The following CCDC85C variants were observed in gnomAD, a reference collection of about 807,000 sequenced individuals.
CCDC85C encodes coiled-coil domain containing 85C, also known as coiled-coil domain-containing protein 85C.
CCDC85C carries 18 observed loss-of-function variants against 38.3 expected under a neutral mutation model. The observed-to-expected ratio is 0.47, with a 90% CI of 0.33 to 0.70. CCDC85C has a LOEUF of 0.70. CCDC85C is among the 30% of genes least tolerant of loss of function. The pLI is 0.03. For missense variants in CCDC85C, 566 were observed against 621.2 expected, an observed-to-expected ratio of 0.91 and a Z score of 0.94; for synonymous variants, 264 against 293.8, an observed-to-expected ratio of 0.90 and a Z score of 1.04.
rs1190739042 is a variant in CCDC85C, at chr14:99,603,168, G to T, written c.792C>A (p.His264Gln). The change falls in exon 1 of 6, where the codon CAC (histidine) becomes CAA (glutamine). Residue 264 changes from histidine (H) to glutamine (Q), a missense_variant and splice_region_variant. Transcript: ENST00000380243. This position sits in a 1 kb window ranked among gnomAD's most constrained non-coding sequence, Gnocchi z 7.5. ...CTGCCCGGCCCGTGTAGTCCTTACCGTGCAGGCCGTTGGGGATGCTGCGGT... is the reference window on the plus strand; with the variant it reads ...CTGCCCGGCCCGTGTAGTCCTTACCTTGCAGGCCGTTGGGGATGCTGCGGT... Reference protein sequence around the residue: ...PHHRSIPNGLHDPSSTYIRQL... With the variant: ...PHHRSIPNGLQDPSSTYIRQL... 6 of 1,390,714 alleles carry T rather than the reference G, an allele frequency of 4.3e-6. No homozygotes were observed. The South Asian group carries it at 7.9e-5, about 18-fold the overall frequency. 86.1% of individuals were successfully genotyped at this position (1,390,714 alleles called of 1,614,324 possible). A position where few individuals can be genotyped will look rare whatever the true frequency, so the allele number is the denominator to read the frequency against.
chr14:99,594,206 G>C lies in CCDC85C; in HGVS notation c.793+8961C>G, dbSNP rs149875294. ...CAACAACATTCTGGACTGGGAGAGA[G>C]ACAGGACAGCAAGCAGAGGAACCTC... is the stretch of plus-strand genomic sequence containing the variant. On this transcript the variant is annotated intron_variant, in intron 1 of 5. Transcript: ENST00000380243. 4.7e-4 allele frequency among the ~76,000 whole-genome samples: 71 copies of C among 152,278 alleles called. 1 individual carries two copies. The East Asian group carries it at 0.013, about 27-fold the overall frequency.
In CCDC85C at chr14:99,572,689, C is replaced by T. The variant is rs1898378781; in HGVS notation, c.793+30478G>A. On this transcript the variant is annotated intron_variant, in intron 1 of 5. Transcript: ENST00000380243. The surrounding 1 kb of genome is among the most constrained non-coding windows in gnomAD (Gnocchi z 4.4). ...CCTCCTTAAGAGGCCTCCCCTGCCA[C>T]CATCTGTTTTCTGCTCTTCCTAGCA... The T allele has an allele frequency of 4.4e-6, 2 of 456,074 alleles. No homozygotes were observed. The highest frequency in any genetic ancestry group is 3.1e-5 in the South Asian group (2 of 64,562). 28.3% of individuals were successfully genotyped at this position (456,074 alleles called of 1,614,324 possible).
At chr14:99,581,577 G>A (rs1230561331) in intron 1 of CCDC85C, among the ~76,000 whole-genome samples, 4 of 152,188 alleles carry the variant, frequency 2.6e-5, no homozygotes, top group South Asian at 2.1e-4. Flanking sequence ...CTCGGCCACC[G>A]CACAATCGCT....
chr14:99,574,628 A>G (rs1037357539), intron 1 of CCDC85C, among the ~76,000 whole-genome samples: 3 of 152,180 alleles, frequency 2.0e-5, no homozygotes, highest in African/African-American at 7.2e-5. Context: ...CAGGGAGATA[A>G]GGGGAGAGCG....
chr14:99,523,950 A>G, intron 2 of CCDC85C, among the ~76,000 whole-genome samples: 1 of 148,834 alleles, frequency 6.7e-6, no homozygotes, highest in Non-Finnish European at 1.5e-5. Context: ...AGGTACCAAA[A>G]AGAGGAAGAG....
intron 1 of CCDC85C, among the ~76,000 whole-genome samples, chr14:99,555,159 C>T (rs976309207): frequency 6.6e-6 from 1 of 152,206 alleles, no homozygotes; most frequent in Non-Finnish European, 1.5e-5. Flanking sequence ...TAGGGAGCCT[C>T]CCTCTGTGTA....
intron 1 of CCDC85C, among the ~76,000 whole-genome samples, chr14:99,547,628 G>A (rs540416339): frequency 3.9e-5 from 6 of 152,148 alleles, no homozygotes; most frequent in African/African-American, 1.4e-4. Flanking sequence ...ACAAAAATTA[G>A]CTGGGTATGG....
At chr14:99,522,067 CA>C in intron 3 of CCDC85C, 65 bp downstream of exon 3, 1 of 1,290,974 alleles carries the variant, frequency 7.7e-7, no homozygotes, top group Non-Finnish European at 1.1e-6. Flanking sequence ...CCGGGCAGGT[CA>C]CTGGCCCGCC....
chr14:99,518,687 G>C (rs1041009394), intron 3 of CCDC85C, among the ~76,000 whole-genome samples: 5 of 152,174 alleles, frequency 3.3e-5, no homozygotes, highest in Non-Finnish European at 2.9e-5. Context: ...CCATGTGCCA[G>C]CCGGCCCCTG....
intron 2 of CCDC85C, among the ~76,000 whole-genome samples, chr14:99,534,004 T>A (rs1363182655): frequency 1.3e-5 from 2 of 152,216 alleles, no homozygotes; most frequent in African/African-American, 4.8e-5. Context: ...CCTGTCCTTA[T>A]GGAAACAGGA....
intron 1 of CCDC85C, among the ~76,000 whole-genome samples, chr14:99,539,343 A>G (rs1226132426): frequency 2.0e-5 from 3 of 151,712 alleles, no homozygotes. Flanking sequence ...GATGGCAGGC[A>G]CCTGTAATCC....
At chr14:99,527,663 T>C (rs1897412496) in intron 2 of CCDC85C, among the ~76,000 whole-genome samples, 1 of 152,124 alleles carries the variant, frequency 6.6e-6, no homozygotes, top group South Asian at 2.1e-4. Flanking sequence ...CTCAGAACTG[T>C]GCAACCCACG....
At chr14:99,586,990 G>C (rs967761527) in intron 1 of CCDC85C, among the ~76,000 whole-genome samples, 1 of 152,214 alleles carries the variant, frequency 6.6e-6, no homozygotes, top group African/African-American at 2.4e-5. Flanking sequence ...GCTCCTGGGG[G>C]TGACAGTGGG....
chr14:99,584,957 T>C (rs1487071439), intron 1 of CCDC85C, among the ~76,000 whole-genome samples: 2 of 152,132 alleles, frequency 1.3e-5, no homozygotes, highest in Non-Finnish European at 2.9e-5. Flanking sequence ...TGGCCAGGCA[T>C]GGTGGCACAC....
chr14:99,564,509 C>A (rs555928674), intron 1 of CCDC85C, among the ~76,000 whole-genome samples: 5 of 152,350 alleles, frequency 3.3e-5, no homozygotes, highest in African/African-American at 1.2e-4. Flanking sequence ...TGCACGACAC[C>A]GTTTATCTGT....
chr14:99,503,785 A>C lies in CCDC85C; in HGVS notation c.*11461T>G, dbSNP rs1896902812. On this transcript the variant is annotated 3_prime_UTR_variant, in exon 6 of 6. Coordinates refer to ENST00000380243, the MANE Select transcript of CCDC85C (RefSeq NM_001144995.2). ...GCTCATACAAAACTTTTCCATCAGC[A>C]TTGTCTTTCTGTTCATCACCTGATC... is the stretch of plus-strand genomic sequence containing the variant. 1 of 676,928 alleles carries C rather than the reference A, an allele frequency of 1.5e-6. No homozygotes were observed. Among genetic ancestry groups the C allele is most frequent in the East Asian group, 2.7e-5 (1 of 36,462 alleles). 41.9% of individuals were successfully genotyped at this position (676,928 alleles called of 1,614,324 possible).
rs1052903549 is a variant in CCDC85C at position 99,516,338 on chromosome 14, G to A, written c.1072-52C>T. Reference sequence around the variant, plus strand: ...GGGCAGAGGCCACCGGCAGACCTCGGGCAAGTCACCTGGCCCCTGATCCTC... The same window carrying A: ...GGGCAGAGGCCACCGGCAGACCTCGAGCAAGTCACCTGGCCCCTGATCCTC... On this transcript the variant is annotated intron_variant, in intron 4 of 5. Coordinates refer to ENST00000380243, the MANE Select transcript of CCDC85C (RefSeq NM_001144995.2). The surrounding 1 kb of genome is among the most constrained non-coding windows in gnomAD (Gnocchi z 5.5). The A allele has an allele frequency of 4.4e-6, 6 of 1,364,578 alleles. No individual in the cohort carries two copies. The Admixed American group carries it at 1.2e-4, about 27-fold the overall frequency. 84.5% of individuals were successfully genotyped at this position (1,364,578 alleles called of 1,614,324 possible). A position where few individuals can be genotyped will look rare whatever the true frequency, so the allele number is the denominator to read the frequency against.
rs1468672186 is a variant in CCDC85C at position 99,503,704 on chromosome 14, C to G, written c.*11542G>C. 1.4e-6 allele frequency: 2 copies of G among 1,385,884 alleles called. No homozygotes were observed. Among genetic ancestry groups the G allele is most frequent in the African/African-American group, 1.5e-5 (1 of 68,908 alleles). The allele number at this position is 1,385,884 out of a possible 1,614,324, so 85.8% of individuals were successfully genotyped here. The stretch of plus-strand genomic sequence containing the variant: ...GTGTTTATATGCAAAACTTTAAATT[C>G]TTAGCCAACATTGTTTCTTTTCAGA... On this transcript the variant is annotated 3_prime_UTR_variant, in exon 6 of 6. Coordinates refer to ENST00000380243, the MANE Select transcript of CCDC85C (RefSeq NM_001144995.2).
chr14:99,525,241 T>C (rs897157524), intron 2 of CCDC85C, among the ~76,000 whole-genome samples: 45 of 152,190 alleles, frequency 3.0e-4, no homozygotes, highest in African/African-American at 1.1e-3. Context: ...CCCCAGCCCT[T>C]TCTGGGCCTC....
Sources: gnomAD v4.1 joint callset for allele counts (sites outside exome capture counted in the v4.1 genomes callset) on GRCh38, gnomAD v4.1.1 for gene constraint, Gnocchi (gnomAD v3.1) non-coding constraint, MANE v1.5 for transcripts, NCBI Gene and HGNC (gene_info 2026-07-23, HGNC 2026-07-21) for gene names.